Variants in GPC6 observed in about 807,000 individuals in gnomAD.
GPC6 encodes glypican-6.
Under a neutral mutation model 55.2 loss-of-function variants are expected in GPC6, and 14 were observed. The ratio of observed to expected loss-of-function variants is 0.25; its 90% CI spans 0.17 to 0.40. The LOEUF is 0.40. Ranked by LOEUF, GPC6 falls within the 10% of genes least tolerant of loss-of-function variation. The probability of loss-of-function intolerance (pLI) is 1.00; values close to 1 mark genes in which losing one functional copy is unlikely to be tolerated. For synonymous variants in GPC6, 278 were observed against 259.6 expected, an observed-to-expected ratio of 1.07 and a Z score of -0.68; for missense variants, 641 against 708.5, an observed-to-expected ratio of 0.90 and a Z score of 1.08.
intron 3 of GPC6, among the ~76,000 whole-genome samples, chr13:93,941,968 C>G (rs548714684): frequency 6.6e-6 from 1 of 152,190 alleles, no homozygotes; most frequent in East Asian, 1.9e-4. Context: ...TTTAGAGGTA[C>G]CTGGTATACA....
rs115845663 is a variant in GPC6 at position 93,863,067 on chromosome 13, C to G, written c.711+32522C>G. ...TTGGCCTCTCCTTGTTTATTTTAAT[C>G]AAGGTGATATGATATGTGCTATGAA... is the stretch of plus-strand genomic sequence containing the variant. On this transcript the variant is annotated intron_variant, in intron 3 of 8. Coordinates refer to ENST00000377047, the MANE Select transcript of GPC6 (RefSeq NM_005708.5). 8.8e-3 allele frequency among the ~76,000 whole-genome samples: 1,334 copies of G among 151,656 alleles called. 25 individuals carry two copies. The highest frequency in any genetic ancestry group is 0.031 in the African/African-American group (1,272 of 41,444).
intron 1 of GPC6, among the ~76,000 whole-genome samples, chr13:93,487,292 T>C (rs184670574): frequency 6.6e-6 from 1 of 152,332 alleles, no homozygotes; most frequent in African/African-American, 2.4e-5. Context: ...ACGTATGTCA[T>C]AGGATTGTGT....
intron 1 of GPC6, among the ~76,000 whole-genome samples, chr13:93,368,386 T>TTCCTTCCTTCCTTCCG (rs1214735593): frequency 1.8e-5 from 2 of 113,610 alleles, no homozygotes; most frequent in African/African-American, 6.2e-5. Context: ...CCTTCCTTCC[T>TTCCTTCCTTCCTTCCG]TCCGTCCTTC....
intron 3 of GPC6, among the ~76,000 whole-genome samples, chr13:93,997,267 G>A (rs1158079153): frequency 6.6e-6 from 1 of 152,036 alleles, no homozygotes; most frequent in African/African-American, 2.4e-5. Flanking sequence ...TGCCTTTCAC[G>A]TACAAAAAAG....
intron 4 of GPC6, among the ~76,000 whole-genome samples, chr13:94,285,421 A>G (rs1355666797): frequency 6.6e-6 from 1 of 152,152 alleles, no homozygotes; most frequent in African/African-American, 2.4e-5. Flanking sequence ...TGAAATCACC[A>G]AAGGGAAACT....
chr13:93,813,253 C>T, intron 2 of GPC6, among the ~76,000 whole-genome samples: 1 of 152,092 alleles, frequency 6.6e-6, no homozygotes, highest in Non-Finnish European at 1.5e-5. Context: ...CCCGTCTCTA[C>T]TAAAAATACA....
intron 2 of GPC6, among the ~76,000 whole-genome samples, chr13:93,609,113 C>T (rs990965944): frequency 6.6e-6 from 1 of 152,202 alleles, no homozygotes; most frequent in Non-Finnish European, 1.5e-5. Flanking sequence ...TCCAATCAGT[C>T]CCCAGGTCCT....
intron 2 of GPC6, among the ~76,000 whole-genome samples, chr13:93,696,163 A>G (rs1325300175): frequency 6.6e-6 from 1 of 152,176 alleles, no homozygotes; most frequent in Non-Finnish European, 1.5e-5. Flanking sequence ...AGAAAATGTT[A>G]TATTTCTATG....
At position 94,020,601 on chromosome 13, in the gene GPC6, A is replaced by T. The variant is rs78336888; in HGVS notation, c.712-7128A>T. Among the ~76,000 whole-genome samples the T allele has an allele frequency of 4.3e-3, 655 of 152,264 alleles. 8 individuals are homozygous for T. Among genetic ancestry groups the T allele is most frequent in the African/African-American group, 0.015 (626 of 41,558 alleles). ...ATCACTCATCTTCCATGCTTATCTT[A>T]CAGGCGTCTGTTACATGCCTTCCTT... On this transcript the variant is annotated intron_variant, in intron 3 of 8. Coordinates refer to ENST00000377047, the MANE Select transcript of GPC6 (RefSeq NM_005708.5).
At chr13:94,122,235 G>T (rs1282111209) in intron 4 of GPC6, among the ~76,000 whole-genome samples, 1 of 152,008 alleles carries the variant, frequency 6.6e-6, no homozygotes, top group Non-Finnish European at 1.5e-5. Context: ...ACTACTGTGT[G>T]CCATGTTTTG....
intron 2 of GPC6, among the ~76,000 whole-genome samples, chr13:93,780,983 G>T (rs1336106256): frequency 6.6e-6 from 1 of 151,982 alleles, no homozygotes; most frequent in Non-Finnish European, 1.5e-5. Context: ...CAGACTAAAA[G>T]AAATATATAA....
At position 93,745,958 on chromosome 13, in the gene GPC6, G is replaced by A. The variant is rs144212227; in HGVS notation, c.320-84196G>A. Among the ~76,000 whole-genome samples, 77 of 152,268 alleles carry A rather than the reference G, an allele frequency of 5.1e-4. No homozygotes were observed. In the East Asian group the frequency reaches 7.7e-3, roughly 15 times the overall value. On this transcript the variant is annotated intron_variant, in intron 2 of 8. Transcript: ENST00000377047. ...CATGAAGGATAAGAAACAAATCAGT[G>A]ATAATGAAATTGTCAGCATCAGTGA...
intron 1 of GPC6, among the ~76,000 whole-genome samples, chr13:93,244,750 C>T (rs938576933): frequency 2.6e-5 from 4 of 152,232 alleles, no homozygotes; most frequent in East Asian, 1.9e-4. Context: ...TTCTGCCTGA[C>T]TCACAGTGCA....
intron 2 of GPC6, among the ~76,000 whole-genome samples, chr13:93,789,805 C>A (rs1885969840): frequency 6.6e-6 from 1 of 150,462 alleles, no homozygotes; most frequent in African/African-American, 2.4e-5. Flanking sequence ...AGTTCAGGGG[C>A]AGTCAGGAGA....
At chr13:93,429,848 C>T (rs1877288894) in intron 1 of GPC6, among the ~76,000 whole-genome samples, 1 of 152,076 alleles carries the variant, frequency 6.6e-6, no homozygotes, top group Non-Finnish European at 1.5e-5. Context: ...CAAATAAGAA[C>T]ATCTGTGAGC....
intron 3 of GPC6, among the ~76,000 whole-genome samples, chr13:93,903,967 A>G (rs1278129450): frequency 1.3e-5 from 2 of 151,970 alleles, no homozygotes; most frequent in Non-Finnish European, 2.9e-5. Flanking sequence ...GTCCTTTAAC[A>G]CTGTGTCTTG....
chr13:94,197,553 G>T (rs987170409), intron 4 of GPC6, among the ~76,000 whole-genome samples: 1 of 152,096 alleles, frequency 6.6e-6, no homozygotes, highest in Non-Finnish European at 1.5e-5. Flanking sequence ...GAGCTCTCTG[G>T]TGTCTCTTCT....
chr13:93,987,123 T>C (rs1339923739), intron 3 of GPC6, among the ~76,000 whole-genome samples: 1 of 152,190 alleles, frequency 6.6e-6, no homozygotes, highest in Non-Finnish European at 1.5e-5. Flanking sequence ...GAGAATGTGA[T>C]AAAGATCAAA....
At chr13:94,110,115 T>G (rs1384725994) in intron 4 of GPC6, among the ~76,000 whole-genome samples, 1 of 147,520 alleles carries the variant, frequency 6.8e-6, no homozygotes, top group African/African-American at 2.5e-5. Flanking sequence ...TAGGCAAGGG[T>G]CACCATAGGA....
Sources: allele counts gnomAD v4.1 joint callset (sites outside exome capture counted in the v4.1 genomes callset), GRCh38; gene constraint gnomAD v4.1.1; transcripts MANE v1.5; gene names NCBI Gene and HGNC (gene_info 2026-07-23, HGNC 2026-07-21).